NPTN: variants seen among roughly 807,000 people sequenced by gnomAD.
The protein encoded by NPTN is neuroplastin, also known as SDR-1.
In NPTN, 5 loss-of-function variants were observed where a neutral mutation model predicts 42.7. The ratio of observed to expected loss-of-function variants is 0.12; its 90% CI spans 0.06 to 0.25. The LOEUF (loss-of-function observed/expected upper bound fraction) is 0.25. NPTN is among the 10% of genes least tolerant of loss of function. The pLI is 1.00. For missense variants in NPTN, 307 were observed against 525.4 expected (o/e 0.58, Z 4.06); for synonymous variants, 180 against 201.9 (o/e 0.89, Z 0.92).
At chr15:73,595,837 G>A (rs1896812799) in intron 2 of NPTN, among the ~76,000 whole-genome samples, 1 of 152,144 alleles carries the variant, frequency 6.6e-6, no homozygotes, top group Non-Finnish European at 1.5e-5. Flanking sequence ...TCAACATAAG[G>A]TAGCAAGTCA....
chr15:73,561,172 T>C lies in NPTN; in HGVS notation c.*15-124A>G, dbSNP rs914411205. On this transcript the variant is annotated intron_variant, in intron 8 of 8. Coordinates refer to ENST00000345330, the MANE Select transcript of NPTN (RefSeq NM_012428.4). ...TCAGGGATGTGGTGTGAAATTCTGA[T>C]CTCCATATGCCTAACAAGATGACAT... 2.0e-5 allele frequency: 3 copies of C among 152,258 alleles called. No homozygotes were observed. In the East Asian group the frequency reaches 5.8e-4, roughly 29 times the overall value. The allele number at this position is 152,258 out of a possible 1,614,324, so 9.4% of individuals were successfully genotyped here.
At chr15:73,632,494 A>G (rs1898806408) in intron 1 of NPTN, 1 of 151,882 alleles carries the variant, frequency 6.6e-6, no homozygotes, top group South Asian at 2.1e-4. Flanking sequence ...CAGGTCCCCT[A>G]CTGCAGTCAA....
At position 73,615,980 on chromosome 15, in the gene NPTN, A is replaced by G. The variant is rs115186572; in HGVS notation, c.91+17145T>C. On this transcript the variant is annotated intron_variant, in intron 1 of 8. Transcript: ENST00000345330. ...TTCAAAACTCGGGTAAGTGACAGGT[A>G]GCTCTTTCTTCCCCAGAGGTTGGCA... Among the ~76,000 whole-genome samples the G allele has an allele frequency of 9.9e-3, 1,506 of 152,294 alleles. 25 individuals carry two copies. The highest frequency in any genetic ancestry group is 0.034 in the African/African-American group (1,430 of 41,556).
At chr15:73,571,230 C>G (rs547145195) in intron 5 of NPTN, among the ~76,000 whole-genome samples, 1 of 152,154 alleles carries the variant, frequency 6.6e-6, no homozygotes, top group Non-Finnish European at 1.5e-5. Flanking sequence ...TGCACTCCAG[C>G]CTGGTAGACA....
intron 1 of NPTN, among the ~76,000 whole-genome samples, chr15:73,605,495 G>A (rs983217110): frequency 6.6e-6 from 1 of 152,074 alleles, no homozygotes; most frequent in Non-Finnish European, 1.5e-5. Flanking sequence ...TTGGGAGGCC[G>A]AGGCGGGCAG....
intron 8 of NPTN, among the ~76,000 whole-genome samples, chr15:73,561,294 T>G (rs1472178860): frequency 3.9e-5 from 6 of 152,182 alleles, no homozygotes; most frequent in Non-Finnish European, 8.8e-5. Context: ...AAGGTGACAA[T>G]TTTCACCTCT....
chr15:73,627,647 A>C (rs368389962), intron 1 of NPTN, among the ~76,000 whole-genome samples: 63 of 152,358 alleles, frequency 4.1e-4, no homozygotes, highest in Non-Finnish European at 7.1e-4. Context: ...TCAAATTAAT[A>C]AGAGTTGATT....
At chr15:73,568,034 C>T in intron 6 of NPTN, 1 of 985,422 alleles carries the variant, frequency 1.0e-6, no homozygotes, top group Middle Eastern at 5.2e-4. Context: ...GGAAGCTGTT[C>T]AGATTTGCTG....
intron 1 of NPTN, among the ~76,000 whole-genome samples, chr15:73,612,438 GGAA>G (rs2141453498): frequency 6.8e-6 from 1 of 147,594 alleles, no homozygotes; most frequent in Admixed American, 6.8e-5. Flanking sequence ...AAAAAAAAAA[GGAA>G]GAAAAGAAAA....
intron 6 of NPTN, among the ~76,000 whole-genome samples, chr15:73,564,493 A>G (rs1017086192): frequency 6.6e-6 from 1 of 152,202 alleles, no homozygotes; most frequent in Non-Finnish European, 1.5e-5. Context: ...AAAAAAAAGA[A>G]CTAACCACAA....
At position 73,570,745 on chromosome 15, in the gene NPTN, A is replaced by G. The variant is rs577355526; in HGVS notation, c.841-322T>C. Among the ~76,000 whole-genome samples, 9 of 152,306 alleles carry G rather than the reference A, an allele frequency of 5.9e-5. No individual in the cohort carries two copies. The South Asian group carries it at 1.7e-3, about 28-fold the overall frequency. ...AACACCAGGTAAGAAACCACAGCAG[A>G]AAGAGGACGGCAGAAGGAGGGGTAC... On this transcript the variant is annotated intron_variant, in intron 5 of 8. Transcript: ENST00000345330. The surrounding 1 kb of genome is among the most constrained non-coding windows in gnomAD (Gnocchi z 4.0).
chr15:73,582,862 T>A (rs1566967615), intron 4 of NPTN, among the ~76,000 whole-genome samples: 1 of 152,202 alleles, frequency 6.6e-6, no homozygotes, highest in African/African-American at 2.4e-5. Context: ...TCTCCCAGCC[T>A]ACATCCTTCT....
At chr15:73,604,795 T>A (rs1177294591) in intron 1 of NPTN, among the ~76,000 whole-genome samples, 1 of 152,180 alleles carries the variant, frequency 6.6e-6, no homozygotes, top group Non-Finnish European at 1.5e-5. Context: ...TGTAATAACA[T>A]GTCAGTTTTA....
chr15:73,582,441 G>A (rs1896097165), intron 4 of NPTN, among the ~76,000 whole-genome samples: 1 of 152,126 alleles, frequency 6.6e-6, no homozygotes, highest in Admixed American at 6.5e-5. Context: ...CAGGCTTTTG[G>A]CTCAACAAGC....
chr15:73,586,459 G>A (rs896817449), intron 4 of NPTN, among the ~76,000 whole-genome samples: 3 of 152,200 alleles, frequency 2.0e-5, no homozygotes, highest in African/African-American at 7.2e-5. Context: ...GGCAGCTGGA[G>A]GAGGCAGTGG....
At chr15:73,580,442 ATATAT>A (rs1895950222) in intron 4 of NPTN, among the ~76,000 whole-genome samples, 1 of 45,312 alleles carries the variant, frequency 2.2e-5, no homozygotes, top group African/African-American at 6.2e-5. Context: ...AATATATATA[ATATAT>A]ATGTATATAT....
intron 1 of NPTN, chr15:73,599,354 AC>A (rs1480813997): frequency 6.5e-6 from 1 of 153,488 alleles, no homozygotes; most frequent in Non-Finnish European, 1.4e-5. Context: ...GATGGTTCAC[AC>A]CTGTAATTCC....
At chr15:73,627,736 T>A (rs948244046) in intron 1 of NPTN, among the ~76,000 whole-genome samples, 73 of 152,318 alleles carry the variant, frequency 4.8e-4, no homozygotes, top group African/African-American at 1.8e-3. Flanking sequence ...TATAATAAAT[T>A]GAAATTAAAT....
intron 1 of NPTN, among the ~76,000 whole-genome samples, chr15:73,609,276 A>G (rs1401742445): frequency 1.3e-5 from 2 of 152,216 alleles, no homozygotes; most frequent in Non-Finnish European, 2.9e-5. Flanking sequence ...TATCCATACC[A>G]GAAGGTCTCA....
Sources: gnomAD v4.1 joint callset for allele counts (sites outside exome capture counted in the v4.1 genomes callset) on GRCh38, gnomAD v4.1.1 for gene constraint, Gnocchi (gnomAD v3.1) non-coding constraint, MANE v1.5 for transcripts, NCBI Gene and HGNC (gene_info 2026-07-23, HGNC 2026-07-21) for gene names.